The following RIPOR2 variants were observed in gnomAD, a reference collection of about 807,000 sequenced individuals.
RIPOR2 encodes rho family-interacting cell polarization regulator 2.
Under a neutral mutation model 114.5 loss-of-function variants are expected in RIPOR2, and 39 were observed. The ratio of observed to expected loss-of-function variants is 0.34; its 90% confidence interval spans 0.26 to 0.44. The LOEUF is 0.44. Among genes scored for constraint, RIPOR2 ranks in the 20% least tolerant of loss-of-function variants. RIPOR2 has a pLI of 1.00. For synonymous variants in RIPOR2, 445 were observed against 484.4 expected (o/e 0.92, Z 1.07); for missense variants, 1,007 against 1,255.1 (o/e 0.80, Z 2.99).
intron 1 of RIPOR2, among the ~76,000 whole-genome samples, chr6:25,029,236 C>T (rs1165216461): frequency 1.3e-5 from 2 of 151,280 alleles, no homozygotes; most frequent in Non-Finnish European, 3.0e-5. Flanking sequence ...TGCAGTGAGC[C>T]GAGATCGCGA....
At position 24,848,073 on chromosome 6, in the gene RIPOR2, G is replaced by A. The variant is rs773668149; in HGVS notation, c.1116C>T (p.Tyr372=). 1.9e-6 allele frequency: 3 copies of A among 1,613,802 alleles called. No homozygotes were observed. Among genetic ancestry groups the A allele is most frequent in the Admixed American group, 1.7e-5 (1 of 59,992 alleles). The part of the protein sequence containing the change: ...AAALQRRMSM[Y]SQGTPETPTF... ...TGGGCGTTTCCGGGGTACCCTGGCT[G>A]TACATGGACATTCTCCTCTGAAGGG... Residue 372 remains tyrosine, a synonymous_variant, in exon 12 of 22, where the codon TAC becomes TAT. Transcript: ENST00000643898.
chr6:25,021,945 A>T (rs1776343699), intron 1 of RIPOR2, among the ~76,000 whole-genome samples: 1 of 152,222 alleles, frequency 6.6e-6, no homozygotes, highest in Non-Finnish European at 1.5e-5. Flanking sequence ...AAATTCCTTA[A>T]TGCTTCAGAT....
intron 1 of RIPOR2, among the ~76,000 whole-genome samples, chr6:25,007,700 T>G (rs1397804674): frequency 6.6e-6 from 1 of 152,030 alleles, no homozygotes; most frequent in Non-Finnish European, 1.5e-5. Context: ...TCCTTCTCGG[T>G]GATCTTAGGC....
At chr6:25,023,003 T>C (rs1035180684) in intron 1 of RIPOR2, among the ~76,000 whole-genome samples, 6 of 152,016 alleles carry the variant, frequency 3.9e-5, no homozygotes, top group African/African-American at 1.5e-4. Flanking sequence ...GTCAATTTTT[T>C]TTTTTACTAG....
chr6:24,947,350 G>A (rs546977408), intron 1 of RIPOR2, among the ~76,000 whole-genome samples: 2 of 152,288 alleles, frequency 1.3e-5, no homozygotes, highest in Admixed American at 6.5e-5. Flanking sequence ...GGTCAATTTG[G>A]ATGGAGGAAA....
At position 24,873,772 on chromosome 6, in the gene RIPOR2, GGAGGAATTTTCAAT is replaced by G; in HGVS notation, c.202_215del (p.Ile68ArgfsTer29). On this transcript the variant is annotated frameshift_variant, in exon 3 of 22. Coordinates refer to ENST00000643898, the MANE Select transcript of RIPOR2 (RefSeq NM_001286445.3). LOFTEE classifies it high-confidence loss of function. ...GTTTGGCCTGAGGCTTCTTGAGAGC[GGAGGAATTTTCAAT>G]GAAGGAGTTACACCTATGGAAAGAA... The G allele has an allele frequency of 6.2e-7, 1 of 1,611,640 alleles. No individual in the cohort carries two copies. Among genetic ancestry groups the G allele is most frequent in the Non-Finnish European group, 8.5e-7 (1 of 1,179,270 alleles).
intron 17 of RIPOR2, among the ~76,000 whole-genome samples, chr6:24,828,749 G>A (rs1760414397): frequency 6.6e-6 from 1 of 151,830 alleles, no homozygotes; most frequent in African/African-American, 2.4e-5. Flanking sequence ...AGATAAAAAG[G>A]AGGAGGAAGA....
intron 10 of RIPOR2, among the ~76,000 whole-genome samples, chr6:24,850,218 T>A (rs774296384): frequency 1.3e-5 from 2 of 150,650 alleles, no homozygotes; most frequent in Non-Finnish European, 3.0e-5. Context: ...CACCTCAGAC[T>A]CCCAAGTAGC....
At chr6:25,034,099 T>TAC (rs1223524098) in intron 1 of RIPOR2, among the ~76,000 whole-genome samples, 1 of 151,194 alleles carries the variant, frequency 6.6e-6, no homozygotes, top group Non-Finnish European at 1.5e-5. Context: ...GTTTTATATA[T>TAC]ATATATATTT....
chr6:24,809,647 T>C (rs888608670), intron 21 of RIPOR2, 70 bp downstream of exon 21: 153 of 1,028,696 alleles, frequency 1.5e-4, no homozygotes, highest in Non-Finnish European at 2.2e-4. Flanking sequence ...GAAGGGAACA[T>C]CTAAATGGGA....
chr6:24,930,703 A>G lies in RIPOR2; in HGVS notation c.61+5135T>C, dbSNP rs1266304337. On this transcript the variant is annotated intron_variant, in intron 1 of 21. Transcript: ENST00000643898. ...CTCCAGACCCTGGGACAAATAAAGT[A>G]GGGAAAGTGACTTCCAACTAAAGCA... 2.0e-5 allele frequency among the ~76,000 whole-genome samples: 3 copies of G among 152,224 alleles called. No homozygotes were observed. The East Asian group carries it at 5.8e-4, about 29-fold the overall frequency.
intron 1 of RIPOR2, among the ~76,000 whole-genome samples, chr6:25,000,509 T>C (rs1775255496): frequency 6.6e-6 from 1 of 152,092 alleles, no homozygotes; most frequent in Non-Finnish European, 1.5e-5. Flanking sequence ...GCTTGAGGGG[T>C]TTTATATCTG....
intron 1 of RIPOR2, among the ~76,000 whole-genome samples, chr6:25,010,643 A>G (rs1775740193): frequency 6.6e-6 from 1 of 152,210 alleles, no homozygotes; most frequent in Non-Finnish European, 1.5e-5. Flanking sequence ...TGGGAGCGCC[A>G]GGATTTATAT....
intron 1 of RIPOR2, among the ~76,000 whole-genome samples, chr6:24,947,129 C>T (rs1433322864): frequency 1.3e-5 from 2 of 152,036 alleles, no homozygotes; most frequent in Non-Finnish European, 2.9e-5. Flanking sequence ...TTAAAGATTC[C>T]GTGGGAGGAT....
intron 1 of RIPOR2, among the ~76,000 whole-genome samples, chr6:24,988,704 A>G (rs1349564143): frequency 6.6e-6 from 1 of 152,012 alleles, no homozygotes; most frequent in East Asian, 1.9e-4. Flanking sequence ...TCATGCTTTT[A>G]GAACTTCCCT....
intron 9 of RIPOR2, among the ~76,000 whole-genome samples, chr6:24,852,272 A>T (rs1298688745): frequency 6.6e-6 from 1 of 152,088 alleles, no homozygotes; most frequent in Non-Finnish European, 1.5e-5. Flanking sequence ...AAAATAAAAA[A>T]TAAATAAGTA....
intron 18 of RIPOR2, 73 bp from the exon 19 acceptor site, chr6:24,825,501 G>A (rs1372668310): frequency 9.3e-7 from 1 of 1,076,310 alleles, no homozygotes. Context: ...AATATAAATA[G>A]AACTCAAGTA....
Position 24,902,910 on chromosome 6 carries a change from G to C in RIPOR2, c.62-27093C>G, listed in dbSNP as rs374244757. ...TTGATAGGAATAACACAACACTGTG[G>C]TCATATTTGACCTTTTTCTGTGTCT... is the stretch of plus-strand genomic sequence containing the variant. On this transcript the variant is annotated intron_variant, in intron 1 of 21. Transcript: ENST00000643898. Among the ~76,000 whole-genome samples the C allele has an allele frequency of 1.9e-4, 29 of 152,292 alleles. No individual in the cohort carries two copies. The East Asian group carries it at 3.9e-3, about 20-fold the overall frequency.
intron 1 of RIPOR2, among the ~76,000 whole-genome samples, chr6:24,901,796 G>A (rs1157555760): frequency 2.6e-5 from 4 of 152,184 alleles, no homozygotes; most frequent in Non-Finnish European, 5.9e-5. Flanking sequence ...CCGGGGTGGA[G>A]AGCGCCCAGT....
Sources: allele counts gnomAD v4.1 joint callset (sites outside exome capture counted in the v4.1 genomes callset), GRCh38; gene constraint gnomAD v4.1.1; transcripts MANE v1.5; gene names NCBI Gene and HGNC (gene_info 2026-07-23, HGNC 2026-07-21).